Variants in POFUT3 observed in about 807,000 individuals in gnomAD.
The protein encoded by POFUT3 is GDP-fucose protein O-fucosyltransferase 3.
At chr8:33,319,181 TA>T in the POFUT3 span, among the ~76,000 whole-genome samples, 36 of 138 alleles carry the variant, frequency 0.26, 2 homozygotes, top group East Asian at 0.5. Context: ...ATATATTATA[TA>T]AAATATATTT....
At chr8:33,429,731 C>G in the POFUT3 span, among the ~76,000 whole-genome samples, 1 of 152,050 alleles carries the variant, frequency 6.6e-6, no homozygotes, top group East Asian at 1.9e-4. Context: ...CATGGTGACT[C>G]ACACCTGTAA....
the POFUT3 span, among the ~76,000 whole-genome samples, chr8:33,454,616 C>T: frequency 6.6e-6 from 1 of 151,904 alleles, no homozygotes. Context: ...ACACTTAGAA[C>T]AAATACATTT....
chr8:33,409,412 G>T, the POFUT3 span, among the ~76,000 whole-genome samples: 1 of 152,088 alleles, frequency 6.6e-6, no homozygotes, highest in East Asian at 1.9e-4. Context: ...CTGATCTGTG[G>T]TCATTTTCAA....
At chr8:33,379,781 G>A in the POFUT3 span, among the ~76,000 whole-genome samples, 1 of 144,746 alleles carries the variant, frequency 6.9e-6, no homozygotes, top group Admixed American at 7.2e-5. Context: ...GGTTGCAGTG[G>A]GCTGAGATCA....
chr8:33,348,692 A>G, the POFUT3 span, among the ~76,000 whole-genome samples: 1 of 152,218 alleles, frequency 6.6e-6, no homozygotes, highest in East Asian at 1.9e-4. Context: ...AAAAACAGGA[A>G]TCATTTATGT....
chr8:33,340,839 T>C, the POFUT3 span, among the ~76,000 whole-genome samples: 2 of 152,188 alleles, frequency 1.3e-5, no homozygotes, highest in East Asian at 1.9e-4. Context: ...TATACAATTA[T>C]GTTGAAGTCT....
the POFUT3 span, among the ~76,000 whole-genome samples, chr8:33,343,590 G>T: frequency 6.6e-6 from 1 of 152,210 alleles, no homozygotes; most frequent in African/African-American, 2.4e-5. Context: ...AAGTAAGAGA[G>T]ATCCAGACCC....
the POFUT3 span, among the ~76,000 whole-genome samples, chr8:33,352,104 T>A: frequency 2.0e-5 from 3 of 152,110 alleles, no homozygotes; most frequent in South Asian, 6.2e-4. Flanking sequence ...TAAATGACAC[T>A]TTACACAAAA....
the POFUT3 span, among the ~76,000 whole-genome samples, chr8:33,438,407 G>C: frequency 6.6e-6 from 1 of 152,120 alleles, no homozygotes; most frequent in South Asian, 2.1e-4. Context: ...GGGAGACCCT[G>C]TCTCTACAAA....
chr8:33,341,902 A>G, the POFUT3 span, among the ~76,000 whole-genome samples: 2 of 152,126 alleles, frequency 1.3e-5, no homozygotes, highest in Non-Finnish European at 2.9e-5. Context: ...CTACAAAAAA[A>G]TCAAAAAAGC....
chr8:33,368,983 T>C, the POFUT3 span, among the ~76,000 whole-genome samples: 1 of 152,326 alleles, frequency 6.6e-6, no homozygotes, highest in Admixed American at 6.5e-5. Flanking sequence ...CTGTGTCTTA[T>C]TCCTATCAGC....
At chr8:33,324,670 T>C in the POFUT3 span, among the ~76,000 whole-genome samples, 2 of 152,130 alleles carry the variant, frequency 1.3e-5, no homozygotes, top group Non-Finnish European at 2.9e-5. Flanking sequence ...CCCTGGAACA[T>C]AGTGGATGCA....
the POFUT3 span, among the ~76,000 whole-genome samples, chr8:33,401,576 G>T: frequency 2.6e-5 from 4 of 151,940 alleles, no homozygotes; most frequent in African/African-American, 9.7e-5. Context: ...TAGAAACCTG[G>T]TATTATCCAT....
At chr8:33,333,296 A>G in the POFUT3 span, among the ~76,000 whole-genome samples, 1 of 152,202 alleles carries the variant, frequency 6.6e-6, no homozygotes. Flanking sequence ...GATGGGAGAA[A>G]AAGTGGTAAG....
At chr8:33,429,721 C>T in the POFUT3 span, among the ~76,000 whole-genome samples, 1 of 151,926 alleles carries the variant, frequency 6.6e-6, no homozygotes. Context: ...ATGGGCCAGG[C>T]ATGGTGACTC....
the POFUT3 span, among the ~76,000 whole-genome samples, chr8:33,330,753 T>G: frequency 6.6e-6 from 1 of 152,158 alleles, no homozygotes. Flanking sequence ...CTTCACCTCC[T>G]GTCCTGGCCC....
At chr8:33,424,487 T>C in the POFUT3 span, among the ~76,000 whole-genome samples, 1 of 152,116 alleles carries the variant, frequency 6.6e-6, no homozygotes, top group Non-Finnish European at 1.5e-5. Flanking sequence ...TCTCTCCTCT[T>C]CCTATACCAC....
chr8:33,311,297 A>C, the POFUT3 span, among the ~76,000 whole-genome samples: 1 of 152,216 alleles, frequency 6.6e-6, no homozygotes. Flanking sequence ...TAATTGACAG[A>C]GGTCACAATC....
chr8:33,386,724 G>A, the POFUT3 span, among the ~76,000 whole-genome samples: 3 of 151,946 alleles, frequency 2.0e-5, no homozygotes, highest in Non-Finnish European at 4.4e-5. Context: ...GCAGGAGAAT[G>A]GCGTGAACCC....
Sources: gnomAD v4.1 joint callset for allele counts (sites outside exome capture counted in the v4.1 genomes callset) on GRCh38, gnomAD v4.1.1 for gene constraint, MANE v1.5 for transcripts, NCBI Gene and HGNC (gene_info 2026-07-23, HGNC 2026-07-21) for gene names.